TULP4: variants seen among roughly 807,000 people sequenced by gnomAD.
The protein encoded by TULP4 is tubby-related protein 4.
A neutral mutation model predicts 129.0 loss-of-function variants in TULP4; 16 were observed. That is an observed-to-expected ratio of 0.12 (90% CI 0.08 to 0.19). TULP4 has a LOEUF of 0.19. TULP4 is among the 10% of genes least tolerant of loss of function. TULP4 has a pLI of 1.00. For missense variants in TULP4, 1,842 were observed against 2,059.1 expected, an observed-to-expected ratio of 0.89 and a Z score of 2.04; for synonymous variants, 998 against 854.0, an observed-to-expected ratio of 1.17 and a Z score of -2.94.
At chr6:158,389,065 A>C (rs1777527843) in intron 1 of TULP4, among the ~76,000 whole-genome samples, 1 of 152,258 alleles carries the variant, frequency 6.6e-6, no homozygotes, top group African/African-American at 2.4e-5. Flanking sequence ...TGGAACTACA[A>C]ACCAGAATAA....
chr6:158,298,421 G>A (rs762926734), intron 1 of TULP4, among the ~76,000 whole-genome samples: 14 of 152,046 alleles, frequency 9.2e-5, no homozygotes, highest in African/African-American at 2.2e-4. Context: ...TTCCTCTGCC[G>A]CAGCTCCAGC....
chr6:158,245,576 A>C (rs879558686), intron 1 of TULP4, among the ~76,000 whole-genome samples: 5 of 152,188 alleles, frequency 3.3e-5, no homozygotes, highest in Admixed American at 3.3e-4. Context: ...TCTACCCAGA[A>C]AGTCCACATT....
rs763435551 is a variant in TULP4 at position 158,449,082 on chromosome 6, C to A, written c.630C>A (p.Asp210Glu). 23 of 1,613,980 alleles carry A rather than the reference C, an allele frequency of 1.4e-5. No homozygotes were observed. The highest frequency in any genetic ancestry group is 1.9e-5 in the Non-Finnish European group (23 of 1,179,992). ...CCCACGTCCTCTTGCACGAGTCAGA[C>A]GGTGTCCTCGGCATGTCCTGGAACT... ...MLAHVLLHES[D>E]GVLGMSWNYP... The change falls in exon 4 of 14, where the codon GAC becomes GAA. Residue 210 changes from aspartate (D) to glutamate (E), a missense_variant. Coordinates refer to ENST00000367097, the MANE Select transcript of TULP4 (RefSeq NM_020245.5).
At chr6:158,450,676 C>T (rs1319762498) in intron 4 of TULP4, among the ~76,000 whole-genome samples, 3 of 151,740 alleles carry the variant, frequency 2.0e-5, no homozygotes, top group Non-Finnish European at 4.4e-5. Context: ...GTGTCTTCAT[C>T]ACATGGACTC....
In TULP4 at chr6:158,315,470, C is replaced by T. The variant is rs985227813; in HGVS notation, c.252+1202C>T. On this transcript the variant is annotated intron_variant, in intron 1 of 13. Coordinates refer to ENST00000367097, the MANE Select transcript of TULP4 (RefSeq NM_020245.5). Reference sequence around the variant, plus strand: ...TTTGGGGGCACACAAACATTGAGATCATAGCAATATAAACATTCAGTAAGG... The same window carrying T: ...TTTGGGGGCACACAAACATTGAGATTATAGCAATATAAACATTCAGTAAGG... Among the ~76,000 whole-genome samples the T allele has an allele frequency of 2.6e-5, 4 of 152,134 alleles. 1 individual carries two copies. The South Asian group carries it at 6.2e-4, about 24-fold the overall frequency.
chr6:158,429,677 T>C, intron 2 of TULP4, 59 bp from the exon 3 acceptor site: 2 of 1,561,434 alleles, frequency 1.3e-6, no homozygotes, highest in South Asian at 1.2e-5. Flanking sequence ...GTCTAGACTT[T>C]GATAAAATGT....
chr6:158,283,662 T>C (rs1406742022), intron 1 of TULP4, among the ~76,000 whole-genome samples: 3 of 152,228 alleles, frequency 2.0e-5, no homozygotes, highest in Non-Finnish European at 4.4e-5. Context: ...GTAAATAGAA[T>C]CATTATATTC....
intron 9 of TULP4, among the ~76,000 whole-genome samples, chr6:158,491,428 TC>T (rs1562589129): frequency 0.12 from 15,137 of 127,182 alleles, 1,042 homozygotes; most frequent in Middle Eastern, 0.15. Flanking sequence ...TTTCTTTCTT[TC>T]TTTCTTTCTT....
At chr6:158,340,635 A>G (rs529542652) in intron 1 of TULP4, among the ~76,000 whole-genome samples, 10 of 152,154 alleles carry the variant, frequency 6.6e-5, no homozygotes, top group Middle Eastern at 6.8e-3. Context: ...CTCAAGATGC[A>G]CCTTCTCTCT....
intron 1 of TULP4, among the ~76,000 whole-genome samples, chr6:158,370,260 C>T (rs192839319): frequency 1.1e-3 from 165 of 151,676 alleles, no homozygotes; most frequent in African/African-American, 3.5e-3. Flanking sequence ...AGTTCGAGAC[C>T]AGCCTGGCCA....
chr6:158,282,563 G>A (rs996431796), intron 1 of TULP4, among the ~76,000 whole-genome samples: 4 of 150,686 alleles, frequency 2.7e-5, no homozygotes, highest in East Asian at 3.9e-4. Context: ...TTTGATTTGA[G>A]GTAATGCTAG....
rs185714983 is a variant in TULP4 at position 158,270,169 on chromosome 6, A to T, written n.68+37866A>T. ...TAATAGCCTTCTATTTATCTTAAGA[A>T]CTCTGGCTTAATTTTCTCTTGGATT... is the stretch of plus-strand genomic sequence containing the variant. On this transcript the variant is annotated intron_variant and non_coding_transcript_variant, in intron 1 of 1. Coordinates refer to the TULP4 transcript ENST00000620026. Among the ~76,000 whole-genome samples the T allele has an allele frequency of 2.0e-5, 3 of 152,096 alleles. No individual in the cohort carries two copies. The East Asian group carries it at 5.8e-4, about 29-fold the overall frequency.
chr6:158,461,263 T>G (rs1436754392), intron 5 of TULP4, among the ~76,000 whole-genome samples: 1 of 151,930 alleles, frequency 6.6e-6, no homozygotes, highest in Non-Finnish European at 1.5e-5. Flanking sequence ...AATACGAAAT[T>G]AGCTGGGTGT....
At chr6:158,354,719 C>T (rs1054419442) in intron 1 of TULP4, among the ~76,000 whole-genome samples, 3 of 151,832 alleles carry the variant, frequency 2.0e-5, no homozygotes, top group African/African-American at 7.3e-5. Context: ...GTAGCAAGAC[C>T]CCATCTCTAA....
chr6:158,420,830 G>A (rs112180324), intron 2 of TULP4, among the ~76,000 whole-genome samples: 4,179 of 152,116 alleles, frequency 0.027, 178 homozygotes, highest in African/African-American at 0.09. Context: ...ATGGTTTACA[G>A]AATATGTTTA....
intron 1 of TULP4, among the ~76,000 whole-genome samples, chr6:158,303,658 A>T (rs1223277462): frequency 6.6e-6 from 1 of 152,212 alleles, no homozygotes; most frequent in African/African-American, 2.4e-5. Flanking sequence ...GCTGCTGTGA[A>T]TACTTTGTAT....
chr6:158,367,761 G>A (rs952246563), intron 1 of TULP4, among the ~76,000 whole-genome samples: 3 of 151,900 alleles, frequency 2.0e-5, no homozygotes, highest in Non-Finnish European at 4.4e-5. Context: ...GAATTGTAAG[G>A]CCGGTGCGGT....
chr6:158,332,297 A>G (rs1779929717), intron 1 of TULP4, among the ~76,000 whole-genome samples: 1 of 151,058 alleles, frequency 6.6e-6, no homozygotes, highest in African/African-American at 2.4e-5. Flanking sequence ...GAAGGAGATG[A>G]TGCAAGGGAG....
intron 10 of TULP4, among the ~76,000 whole-genome samples, chr6:158,494,439 C>T (rs757949721): frequency 5.9e-5 from 9 of 152,084 alleles, no homozygotes; most frequent in Non-Finnish European, 8.8e-5. Context: ...TGTTTTCAGG[C>T]GAAATATCAA....
Sources: gnomAD v4.1 joint callset for allele counts (sites outside exome capture counted in the v4.1 genomes callset) on GRCh38, gnomAD v4.1.1 for gene constraint, MANE v1.5 for transcripts, NCBI Gene and HGNC (gene_info 2026-07-23, HGNC 2026-07-21) for gene names.